The following ADGRL3 variants were observed in gnomAD, a reference collection of about 807,000 sequenced individuals.
The protein encoded by ADGRL3 is calcium-independent alpha-latrotoxin receptor 3.
A neutral mutation model predicts 153.5 loss-of-function variants in ADGRL3; 62 were observed. The ratio of observed to expected loss-of-function variants is 0.40; its 90% CI spans 0.33 to 0.50. The LOEUF (loss-of-function observed/expected upper bound fraction) is 0.50. Ranked by LOEUF, ADGRL3 falls within the 20% of genes least tolerant of loss-of-function variation. ADGRL3 has a pLI of 0.47. For missense variants in ADGRL3, 1,641 were observed against 1,859.4 expected (o/e 0.88, Z 2.16); for synonymous variants, 710 against 672.5 (o/e 1.06, Z -0.86).
At chr4:61,931,216 C>T (rs1041335441) in intron 13 of ADGRL3, among the ~76,000 whole-genome samples, 1 of 152,096 alleles carries the variant, frequency 6.6e-6, no homozygotes, top group African/African-American at 2.4e-5. Flanking sequence ...TTCCTCAAAG[C>T]TCCAGGTAGT....
chr4:61,399,162 G>C (rs1413045635), intron 2 of ADGRL3, among the ~76,000 whole-genome samples: 1 of 151,634 alleles, frequency 6.6e-6, no homozygotes, highest in Non-Finnish European at 1.5e-5. Flanking sequence ...TTATTCTGCT[G>C]TCAAAATGAT....
rs1467890108 is a variant in ADGRL3 at position 61,646,305 on chromosome 4, C to G, written c.474-30521C>G. 2.6e-5 allele frequency among the ~76,000 whole-genome samples: 4 copies of G among 152,296 alleles called. No homozygotes were observed. The East Asian group carries it at 7.7e-4, about 29-fold the overall frequency. ...CAGCTCGTCAAAGTCATTCTCCATC[C>G]AGCTTTGTTTCGTTGCTGGTGAGGA... On this transcript the variant is annotated intron_variant, in intron 5 of 26. Transcript: ENST00000683033.
intron 1 of ADGRL3, among the ~76,000 whole-genome samples, chr4:61,280,213 G>A (rs961229876): frequency 2.7e-5 from 4 of 147,874 alleles, no homozygotes; most frequent in East Asian, 2.0e-4. Context: ...AGGTCCAAGC[G>A]ATTCTCCTGA....
chr4:61,446,478 G>C (rs2097583755), intron 2 of ADGRL3, among the ~76,000 whole-genome samples: 1 of 152,196 alleles, frequency 6.6e-6, no homozygotes, highest in South Asian at 2.1e-4. Flanking sequence ...TCTTGAGGGA[G>C]ATACATTTGT....
chr4:61,433,279 TTG>T (rs1269057659), intron 2 of ADGRL3, among the ~76,000 whole-genome samples: 2 of 152,138 alleles, frequency 1.3e-5, no homozygotes, highest in African/African-American at 4.8e-5. Context: ...TGTTTTAATA[TTG>T]TCTCAGATGA....
intron 4 of ADGRL3, among the ~76,000 whole-genome samples, chr4:61,563,871 G>C (rs1170391291): frequency 6.6e-6 from 1 of 152,100 alleles, no homozygotes; most frequent in South Asian, 2.1e-4. Flanking sequence ...AGCTGGGCGT[G>C]GTGGTGCGCG....
intron 6 of ADGRL3, among the ~76,000 whole-genome samples, chr4:61,700,598 G>T (rs1193535791): frequency 6.6e-6 from 1 of 152,116 alleles, no homozygotes; most frequent in Non-Finnish European, 1.5e-5. Context: ...ATGAGATTGG[G>T]GTGAGGTAGT....
intron 5 of ADGRL3, among the ~76,000 whole-genome samples, chr4:61,651,577 A>C (rs2133008): frequency 0.99 from 150,862 of 152,114 alleles, 74,827 homozygotes; most frequent in Middle Eastern, 1. Flanking sequence ...AAATAAATAA[A>C]TTTTTTTTGT....
At chr4:61,245,822 A>G (rs1756827836) in intron 1 of ADGRL3, among the ~76,000 whole-genome samples, 1 of 152,124 alleles carries the variant, frequency 6.6e-6, no homozygotes, top group South Asian at 2.1e-4. Context: ...AGGGTGAAGA[A>G]ATAGTTCACA....
chr4:62,026,579 A>T (rs1252076082), intron 21 of ADGRL3, among the ~76,000 whole-genome samples: 2 of 152,086 alleles, frequency 1.3e-5, no homozygotes, highest in African/African-American at 4.8e-5. Context: ...TCACCTCACC[A>T]TTGCAAACTT....
At chr4:61,515,218 A>G (rs1338470248) in intron 3 of ADGRL3, among the ~76,000 whole-genome samples, 1 of 152,104 alleles carries the variant, frequency 6.6e-6, no homozygotes, top group African/African-American at 2.4e-5. Context: ...AAACACACCA[A>G]GGGATTTTAG....
At position 61,925,805 on chromosome 4, in the gene ADGRL3, A is replaced by G. The variant is rs550246605; in HGVS notation, c.2113-9035A>G. 1.4e-4 allele frequency among the ~76,000 whole-genome samples: 21 copies of G among 152,338 alleles called. No homozygotes were observed. The East Asian group carries it at 2.3e-3, about 17-fold the overall frequency. ...AGGATTACAATTCAACATGAGATTC[A>G]GAAGGAAAAATATCCAAACTATCTC... On this transcript the variant is annotated intron_variant, in intron 13 of 26. Coordinates refer to ENST00000683033, the MANE Select transcript of ADGRL3 (RefSeq NM_001387552.1).
chr4:61,927,721 A>G (rs1310500311), intron 13 of ADGRL3, among the ~76,000 whole-genome samples: 1 of 152,144 alleles, frequency 6.6e-6, no homozygotes, highest in Non-Finnish European at 1.5e-5. Context: ...TTTGATTTGA[A>G]TCAATATCTA....
intron 8 of ADGRL3, among the ~76,000 whole-genome samples, chr4:61,739,685 A>G (rs2096560811): frequency 6.6e-6 from 1 of 152,202 alleles, no homozygotes; most frequent in African/African-American, 2.4e-5. Context: ...CTGTCAGCAC[A>G]TGGATCTATA....
intron 5 of ADGRL3, among the ~76,000 whole-genome samples, chr4:61,638,146 C>T (rs1323388198): frequency 2.2e-4 from 33 of 152,166 alleles, no homozygotes; most frequent in Admixed American, 2.2e-3. Context: ...CTTAGATGTT[C>T]ATCCATAGGA....
At chr4:61,291,233 CCTCT>C (rs2094185383) in intron 1 of ADGRL3, among the ~76,000 whole-genome samples, 1 of 151,130 alleles carries the variant, frequency 6.6e-6, no homozygotes, top group Non-Finnish European at 1.5e-5. Flanking sequence ...CACACACACC[CCTCT>C]GTGTCCATGG....
At chr4:61,957,888 G>A (rs1477132849) in intron 17 of ADGRL3, among the ~76,000 whole-genome samples, 2 of 151,834 alleles carry the variant, frequency 1.3e-5, no homozygotes, top group African/African-American at 4.8e-5. Context: ...CATACATGCT[G>A]TCTGCCAATA....
chr4:61,267,283 G>A lies in ADGRL3; in HGVS notation c.-240+65518G>A, dbSNP rs1008383182. Among the ~76,000 whole-genome samples, 10 of 151,662 alleles carry A rather than the reference G, an allele frequency of 6.6e-5. 1 individual carries two copies. The highest frequency in any genetic ancestry group is 6.6e-4 in the Admixed American group (10 of 15,178). The stretch of plus-strand genomic sequence containing the variant: ...CTTATTTTCAAGGAAGGTCATAGCT[G>A]CAACTTAGCAGGAATAAAAGTCTCT... On this transcript the variant is annotated intron_variant, in intron 1 of 26. Coordinates refer to ENST00000683033, the MANE Select transcript of ADGRL3 (RefSeq NM_001387552.1).
chr4:61,462,348 G>T (rs1015932082), intron 2 of ADGRL3, among the ~76,000 whole-genome samples: 2 of 152,132 alleles, frequency 1.3e-5, no homozygotes, highest in African/African-American at 4.8e-5. Context: ...TCGAGTCACA[G>T]CAGAACTTTA....
Sources: gnomAD v4.1 joint callset for allele counts (sites outside exome capture counted in the v4.1 genomes callset) on GRCh38, gnomAD v4.1.1 for gene constraint, MANE v1.5 for transcripts, NCBI Gene and HGNC (gene_info 2026-07-23, HGNC 2026-07-21) for gene names.